Variants in WASF1 observed in about 807,000 individuals in gnomAD.
WASF1 encodes the protein WASP family member 1.
In WASF1, 7 loss-of-function variants were observed where a neutral mutation model predicts 50.5. That is an observed-to-expected ratio of 0.14 (90% CI 0.08 to 0.26). The LOEUF is 0.26. WASF1 is among the 10% of genes least tolerant of loss of function. The pLI is 1.00. For missense variants in WASF1, 470 were observed against 694.7 expected (o/e 0.68, Z 3.64); for synonymous variants, 205 against 244.0 (o/e 0.84, Z 1.49).
At chr6:110,140,328 T>C (rs372449492) in intron 3 of WASF1, among the ~76,000 whole-genome samples, 1 of 152,204 alleles carries the variant, frequency 6.6e-6, no homozygotes, top group Admixed American at 6.5e-5. Flanking sequence ...ACTTGCCCCA[T>C]GCATTCTTAT....
intron 2 of WASF1, among the ~76,000 whole-genome samples, chr6:110,164,604 C>T (rs1331514013): frequency 6.6e-6 from 1 of 151,618 alleles, no homozygotes; most frequent in Non-Finnish European, 1.5e-5. Flanking sequence ...CTCTCATTCG[C>T]TGCTATTGAG....
At chr6:110,141,720 C>G (rs1242366594) in intron 3 of WASF1, among the ~76,000 whole-genome samples, 1 of 150,100 alleles carries the variant, frequency 6.7e-6, no homozygotes. Flanking sequence ...TTTAAGGAAG[C>G]CAAAAAAGAA....
intron 4 of WASF1, 86 bp from the exon 5 acceptor site, chr6:110,113,546 A>T (rs187656327): frequency 1.6e-6 from 2 of 1,231,350 alleles, no homozygotes; most frequent in Non-Finnish European, 2.2e-6. Context: ...ATCTAGCATG[A>T]TATTTGCCCT....
In WASF1 at chr6:110,148,563, A is replaced by G. The variant is rs376609393; in HGVS notation, c.-29+12072T>C. 2.6e-5 allele frequency among the ~76,000 whole-genome samples: 4 copies of G among 152,290 alleles called. No individual in the cohort carries two copies. In the East Asian group the frequency reaches 7.7e-4, roughly 29 times the overall value. ...GGAATAATAATGAGAGCAAGCCATC[A>G]TGGGTGAAGTGCAATCAGAGACTCT... On this transcript the variant is annotated intron_variant, in intron 3 of 10. Transcript: ENST00000392589.
At chr6:110,123,902 GA>G (rs1422899386) in intron 4 of WASF1, among the ~76,000 whole-genome samples, 1 of 152,092 alleles carries the variant, frequency 6.6e-6, no homozygotes, top group Non-Finnish European at 1.5e-5. Context: ...TTCCATAAGA[GA>G]AAAGCCAGGG....
At chr6:110,105,638 G>T in intron 7 of WASF1, 59 bp from the exon 8 acceptor site, 1 of 1,516,856 alleles carries the variant, frequency 6.6e-7, no homozygotes, top group Non-Finnish European at 9.0e-7. Context: ...TAAAAAGGAG[G>T]TTATAACAAT....
intron 5 of WASF1, 80 bp downstream of exon 5, chr6:110,113,246 T>C: frequency 8.2e-7 from 1 of 1,225,248 alleles, no homozygotes. Context: ...AAATTCATGA[T>C]TAATACTGTT....
chr6:110,142,952 T>TAAAAAAAAA (rs5879060), intron 3 of WASF1, among the ~76,000 whole-genome samples: 15 of 119,140 alleles, frequency 1.3e-4, no homozygotes, highest in East Asian at 2.6e-4. Flanking sequence ...CCCAATGATG[T>TAAAAAAAAA]AAAAAAAAAA....
intron 4 of WASF1, among the ~76,000 whole-genome samples, chr6:110,122,068 A>G: frequency 6.6e-6 from 1 of 152,074 alleles, no homozygotes; most frequent in Non-Finnish European, 1.5e-5. Flanking sequence ...TAGCATTAGG[A>G]AAAAATACCT....
intron 3 of WASF1, among the ~76,000 whole-genome samples, chr6:110,151,775 T>C (rs1280285403): frequency 6.6e-6 from 1 of 152,086 alleles, no homozygotes; most frequent in Non-Finnish European, 1.5e-5. Flanking sequence ...TGAAAGAAAA[T>C]TAAAAAATAT....
In WASF1 at chr6:110,167,966, G is replaced by A. The variant is rs184897485; in HGVS notation, c.-126-7234C>T. ...CCACACTGAGTATTTAATGAAAAACGTAAATCATGATTTTGTCTACGGTCC... is the reference window on the plus strand; with the variant it reads ...CCACACTGAGTATTTAATGAAAAACATAAATCATGATTTTGTCTACGGTCC... On this transcript the variant is annotated intron_variant, in intron 2 of 10. Coordinates refer to ENST00000392589, the MANE Select transcript of WASF1 (RefSeq NM_003931.3). 2.0e-3 allele frequency among the ~76,000 whole-genome samples: 307 copies of A among 152,008 alleles called. 2 individuals carry two copies. Among genetic ancestry groups the A allele is most frequent in the African/African-American group, 7.1e-3 (296 of 41,488 alleles).
At chr6:110,142,805 A>G (rs1460444055) in intron 3 of WASF1, among the ~76,000 whole-genome samples, 2 of 152,062 alleles carry the variant, frequency 1.3e-5, no homozygotes, top group East Asian at 1.9e-4. Flanking sequence ...TTAATCCATC[A>G]GTGCCTAACT....
intron 2 of WASF1, among the ~76,000 whole-genome samples, chr6:110,163,844 T>C (rs1340543352): frequency 6.6e-6 from 1 of 151,562 alleles, no homozygotes; most frequent in African/African-American, 2.4e-5. Context: ...ATCAAGACAG[T>C]GTAGTTTTGG....
chr6:110,158,726 A>T (rs1005785358), intron 3 of WASF1, among the ~76,000 whole-genome samples: 33 of 151,868 alleles, frequency 2.2e-4, no homozygotes, highest in Non-Finnish European at 4.0e-4. Flanking sequence ...AATTTTTTTT[A>T]AAAAAAGATA....
intron 3 of WASF1, among the ~76,000 whole-genome samples, chr6:110,152,618 C>G (rs1775873022): frequency 6.6e-6 from 1 of 152,120 alleles, no homozygotes; most frequent in Non-Finnish European, 1.5e-5. Context: ...TTCCCCAGAG[C>G]CAACAGAAAA....
intron 3 of WASF1, among the ~76,000 whole-genome samples, chr6:110,142,888 T>G (rs1424516293): frequency 2.0e-5 from 3 of 150,686 alleles, no homozygotes; most frequent in Non-Finnish European, 4.4e-5. Context: ...ATAACCAATT[T>G]TTGAATTTCC....
At chr6:110,134,023 G>T (rs954433564) in intron 3 of WASF1, among the ~76,000 whole-genome samples, 2 of 152,092 alleles carry the variant, frequency 1.3e-5, no homozygotes, top group Non-Finnish European at 2.9e-5. Context: ...TCGCTCTGTT[G>T]CCCAAGGTGG....
intron 7 of WASF1, among the ~76,000 whole-genome samples, chr6:110,106,157 G>A (rs566044485): frequency 4.9e-4 from 74 of 152,282 alleles, no homozygotes; most frequent in Non-Finnish European, 8.4e-4. Context: ...AAATTCAAAC[G>A]CCCAAAGCGG....
chr6:110,140,271 T>C (rs991303165), intron 3 of WASF1, among the ~76,000 whole-genome samples: 1 of 152,130 alleles, frequency 6.6e-6, no homozygotes, highest in African/African-American at 2.4e-5. Context: ...TCCTGGAAAG[T>C]GGTATGTCCT....
Sources: gnomAD v4.1 joint callset for allele counts (sites outside exome capture counted in the v4.1 genomes callset) on GRCh38, gnomAD v4.1.1 for gene constraint, MANE v1.5 for transcripts, NCBI Gene and HGNC (gene_info 2026-07-23, HGNC 2026-07-21) for gene names.